Variants in MEIS1 observed in about 807,000 individuals in gnomAD.
MEIS1 encodes homeobox protein Meis1.
Under a neutral mutation model 50.8 loss-of-function variants are expected in MEIS1, and 5 were observed. The ratio of observed to expected loss-of-function variants is 0.10; its 90% confidence interval spans 0.05 to 0.21. The LOEUF is 0.21. Among genes scored for constraint, MEIS1 ranks in the 10% least tolerant of loss-of-function variants. The pLI is 1.00. For missense variants in MEIS1, 318 were observed against 517.3 expected (o/e 0.61, Z 3.74); for synonymous variants, 176 against 179.3 (o/e 0.98, Z 0.15).
intron 8 of MEIS1, among the ~76,000 whole-genome samples, chr2:66,525,069 C>T (rs1674214411): frequency 6.6e-6 from 1 of 151,972 alleles, no homozygotes; most frequent in Admixed American, 6.6e-5. Flanking sequence ...AAAACTTAGC[C>T]TGGTGTGGCG....
chr2:66,459,835 G>A (rs1212725233), intron 6 of MEIS1, among the ~76,000 whole-genome samples: 1 of 152,154 alleles, frequency 6.6e-6, no homozygotes, highest in Non-Finnish European at 1.5e-5. Context: ...GACTTGCTGA[G>A]TTGAAACAAG....
intron 9 of MEIS1, among the ~76,000 whole-genome samples, chr2:66,553,467 C>A (rs2103943145): frequency 6.6e-6 from 1 of 152,250 alleles, no homozygotes; most frequent in South Asian, 2.1e-4. Context: ...GTAATACTCA[C>A]TAGATAAAAT....
At chr2:66,436,530 A>T (rs1016255842) in intron 1 of MEIS1, among the ~76,000 whole-genome samples, 8 of 152,244 alleles carry the variant, frequency 5.3e-5, no homozygotes, top group Non-Finnish European at 2.9e-5. Context: ...AGACAATGAC[A>T]ACCCAACTGA....
At chr2:66,484,067 A>G (rs1005203753) in intron 7 of MEIS1, among the ~76,000 whole-genome samples, 2 of 152,234 alleles carry the variant, frequency 1.3e-5, no homozygotes, top group Non-Finnish European at 1.5e-5. Flanking sequence ...AGTATTCCAG[A>G]TATCTTGAGA....
In MEIS1 at chr2:66,553,368, G is replaced by A. The variant is rs568070883; in HGVS notation, c.965+5349G>A. 8.9e-4 allele frequency among the ~76,000 whole-genome samples: 135 copies of A among 152,252 alleles called. No homozygotes were observed. In the South Asian group the frequency reaches 0.011, roughly 12 times the overall value. ...AATGGGTTGTTGTTCTTCAAGCCTC[G>A]GTTAATTGCTATGCTTTTCACCTTG... On this transcript the variant is annotated intron_variant, in intron 9 of 12. Transcript: ENST00000272369.
intron 8 of MEIS1, among the ~76,000 whole-genome samples, chr2:66,540,407 C>T (rs1009943239): frequency 2.0e-5 from 3 of 152,052 alleles, no homozygotes; most frequent in African/African-American, 7.2e-5. Context: ...CTCCTGGGTT[C>T]AAGTGGATTC....
chr2:66,452,784 G>T (rs920431076), intron 6 of MEIS1, among the ~76,000 whole-genome samples: 1 of 151,794 alleles, frequency 6.6e-6, no homozygotes, highest in Non-Finnish European at 1.5e-5. Context: ...GTATTTGGTG[G>T]CTTGGCCTAT....
At chr2:66,524,974 A>G (rs1247300973) in intron 8 of MEIS1, among the ~76,000 whole-genome samples, 1 of 152,156 alleles carries the variant, frequency 6.6e-6, no homozygotes, top group Non-Finnish European at 1.5e-5. Flanking sequence ...TTGGGAGACC[A>G]GGACAGGCAG....
chr2:66,525,080 G>C (rs1674215396), intron 8 of MEIS1, among the ~76,000 whole-genome samples: 1 of 152,038 alleles, frequency 6.6e-6, no homozygotes, highest in Admixed American at 6.6e-5. Flanking sequence ...TGGTGTGGCG[G>C]GGCACGCTTG....
rs184798985 is a variant in MEIS1 at position 66,480,583 on chromosome 2, G to A, written c.742+16363G>A. 5.3e-5 allele frequency among the ~76,000 whole-genome samples: 8 copies of A among 152,278 alleles called. No homozygotes were observed. The East Asian group carries it at 1.4e-3, about 26-fold the overall frequency. ...TTTGGTAAAAAGATTTGATCTTTTT[G>A]TCTGTTTTTCAAAGTGCAAATTTCC... On this transcript the variant is annotated intron_variant, in intron 7 of 12. Transcript: ENST00000272369.
Position 66,571,336 on chromosome 2 carries a change from C to T in MEIS1, c.*128C>T, listed in dbSNP as rs531315301. On this transcript the variant is annotated 3_prime_UTR_variant, in exon 13 of 13. Transcript: ENST00000272369. ...CCAAGTTATACCCAACCCCAGATGC[C>T]CCCCCATCCTGCTCAGCTGCGTCAT... The T allele has an allele frequency of 2.5e-6, 4 of 1,598,974 alleles. No homozygotes were observed. The highest frequency in any genetic ancestry group is 2.6e-6 in the Non-Finnish European group (3 of 1,172,870).
Position 66,512,310 on chromosome 2 carries a change from A to G in MEIS1, c.888+16A>G. The G allele has an allele frequency of 6.2e-7, 1 of 1,602,928 alleles. No homozygotes were observed. Among genetic ancestry groups the G allele is most frequent in the Non-Finnish European group, 8.5e-7 (1 of 1,176,088 alleles). On this transcript the variant is annotated intron_variant, in intron 8 of 12. Transcript: ENST00000272369. ...GCATCTAACAGTAAGTGGATTCTAA[A>G]TGACATATATAAACTAAATATGGAC...
chr2:66,554,483 G>A (rs1675003229), intron 9 of MEIS1, among the ~76,000 whole-genome samples: 1 of 152,190 alleles, frequency 6.6e-6, no homozygotes, highest in Non-Finnish European at 1.5e-5. Flanking sequence ...TCATCCATAG[G>A]TGGCTAAGGT....
chr2:66,456,648 C>T (rs1358284586), intron 6 of MEIS1, among the ~76,000 whole-genome samples: 13 of 152,166 alleles, frequency 8.5e-5, no homozygotes, highest in Non-Finnish European at 1.9e-4. Context: ...AAGGGTTCAA[C>T]AAGAACCCTG....
chr2:66,492,262 G>A (rs1432637592), intron 7 of MEIS1, among the ~76,000 whole-genome samples: 1 of 151,890 alleles, frequency 6.6e-6, no homozygotes, highest in African/African-American at 2.4e-5. Context: ...TGTGTGAACT[G>A]TCACCGTGCT....
chr2:66,453,266 A>T (rs1452516001), intron 6 of MEIS1, among the ~76,000 whole-genome samples: 1 of 151,970 alleles, frequency 6.6e-6, no homozygotes, highest in Non-Finnish European at 1.5e-5. Context: ...GTATACTTTC[A>T]ATAATCCAAA....
intron 9 of MEIS1, among the ~76,000 whole-genome samples, chr2:66,560,100 CTTT>C (rs70947304): frequency 0.27 from 34,154 of 124,550 alleles, 4,487 homozygotes; most frequent in African/African-American, 0.34. Context: ...CCTGCCATCA[CTTT>C]TTTTTTTTTT....
chr2:66,493,763 C>A lies in MEIS1; in HGVS notation c.743-18386C>A, dbSNP rs183508203. 1.8e-3 allele frequency among the ~76,000 whole-genome samples: 274 copies of A among 152,174 alleles called. 1 individual carries two copies. The highest frequency in any genetic ancestry group is 6.2e-3 in the African/African-American group (259 of 41,526). On this transcript the variant is annotated intron_variant, in intron 7 of 12. Coordinates refer to ENST00000272369, the MANE Select transcript of MEIS1 (RefSeq NM_002398.3). ...ATAAGTAAACCACACAGCCCACTAT[C>A]GTATGTTCTCTAATGTACTTTCTAA...
intron 6 of MEIS1, among the ~76,000 whole-genome samples, chr2:66,458,627 A>G (rs1041556564): frequency 6.6e-6 from 1 of 152,194 alleles, no homozygotes; most frequent in Non-Finnish European, 1.5e-5. Context: ...AGATGAGGAC[A>G]TTAAGGTTTC....
Sources: gnomAD v4.1 joint callset for allele counts (sites outside exome capture counted in the v4.1 genomes callset) on GRCh38, gnomAD v4.1.1 for gene constraint, MANE v1.5 for transcripts, NCBI Gene and HGNC (gene_info 2026-07-23, HGNC 2026-07-21) for gene names.